The following LYST variants were observed in gnomAD, a reference collection of about 807,000 sequenced individuals.
The protein encoded by LYST is lysosomal-trafficking regulator.
In LYST, 192 loss-of-function variants were observed where a neutral mutation model predicts 413.6. The observed-to-expected ratio is 0.46, with a 90% CI of 0.41 to 0.52. The LOEUF is 0.52. Ranked by LOEUF, LYST falls within the 20% of genes least tolerant of loss-of-function variation. LYST has a pLI of 0.00. For synonymous variants in LYST, 1,525 were observed against 1,567.3 expected (o/e 0.97, Z 0.64); for missense variants, 3,815 against 4,499.9 (o/e 0.85, Z 4.35).
In LYST at chr1:235,809,988, T is replaced by A. The variant is rs1247313496; in HGVS notation, c.830A>T (p.His277Leu). The part of the protein sequence containing the change: ...KVCKFDVTLN[H>L]NSPLAASVVP... ...TACACTGGCTGCTAAAGGAGAATTA[T>A]GATTCAAGGTAACGTCAAACTTACA... The change falls in exon 5 of 53, where the codon CAT (histidine) becomes CTT (leucine). Residue 277 changes from histidine to leucine, a missense_variant. This residue lies in a region of LYST where 1,648 missense variants were observed against 1,810.3 expected (regional missense o/e 0.91). Transcript: ENST00000389793. This position sits in a 1 kb window ranked among gnomAD's most constrained non-coding sequence, Gnocchi z 4.0. The A allele has an allele frequency of 1.2e-6, 2 of 1,613,860 alleles. No homozygotes were observed. The highest frequency in any genetic ancestry group is 4.5e-5 in the East Asian group (2 of 44,812).
chr1:235,802,386 A>G (rs1209685583), intron 8 of LYST, among the ~76,000 whole-genome samples: 1 of 152,066 alleles, frequency 6.6e-6, no homozygotes, highest in Non-Finnish European at 1.5e-5. Flanking sequence ...AGACAAATTG[A>G]GCTGTGGTAA....
At chr1:235,746,912 G>A (rs1000342954) in intron 28 of LYST, among the ~76,000 whole-genome samples, 2 of 152,080 alleles carry the variant, frequency 1.3e-5, no homozygotes, top group East Asian at 1.9e-4. Flanking sequence ...TAATTTTTTA[G>A]TAAGAATACT....
intron 50 of LYST, among the ~76,000 whole-genome samples, chr1:235,668,518 T>C (rs923432591): frequency 6.6e-6 from 1 of 152,234 alleles, no homozygotes; most frequent in South Asian, 2.1e-4. Flanking sequence ...TTATATTGTG[T>C]GCTACCCAGG....
At chr1:235,801,465 A>G (rs538817215) in intron 8 of LYST, among the ~76,000 whole-genome samples, 2 of 151,948 alleles carry the variant, frequency 1.3e-5, no homozygotes, top group Non-Finnish European at 2.9e-5. Flanking sequence ...TGCCTACCCA[A>G]ATCTTTGTGA....
rs1203994340 is a variant in LYST, at chr1:235,792,018, A to G, written c.4224T>C (p.Gly1408=). ...PLLHAPNLSN[G]VSSQKYPGIL... ...TCCCAGGATACTTTTGTGATGAAAC[A>G]CCGTTGCTTAAATTTGGAGCGTGCA... The change falls in exon 12 of 53, where the codon GGT becomes GGC. Residue 1408 remains glycine, a synonymous_variant. Transcript: ENST00000389793. 1 of 1,614,152 alleles carries G rather than the reference A, an allele frequency of 6.2e-7. No homozygotes were observed. Among genetic ancestry groups the G allele is most frequent in the East Asian group, 2.2e-5 (1 of 44,876 alleles).
chr1:235,777,750 A>C (rs1329449334), intron 16 of LYST, among the ~76,000 whole-genome samples: 3 of 152,044 alleles, frequency 2.0e-5, no homozygotes, highest in Non-Finnish European at 4.4e-5. Flanking sequence ...GCAACTCTAA[A>C]CTAGATCTTT....
chr1:235,737,437 A>G (rs1234214093), intron 31 of LYST: 1 of 152,196 alleles, frequency 6.6e-6, no homozygotes, highest in African/African-American at 2.4e-5. Flanking sequence ...AAGAAATGAC[A>G]ACCCAGGAGA....
In LYST at chr1:235,733,665, G is replaced by A. The variant is rs552608382; in HGVS notation, c.8639C>T (p.Ser2880Leu). 2 of 1,613,586 alleles carry A rather than the reference G, an allele frequency of 1.2e-6. No individual in the cohort carries two copies. Among genetic ancestry groups the A allele is most frequent in the South Asian group, 2.2e-5 (2 of 91,066 alleles). ...TGCAGCTATTTTAGATATATCCTTTGATTTTGAATCCAGACGCTGAAAGAG... is the reference window on the plus strand; with the variant it reads ...TGCAGCTATTTTAGATATATCCTTTAATTTTGAATCCAGACGCTGAAAGAG... ...QSLFQRLDSK[S>L]KDISKIAADI... The change falls in exon 34 of 53, where the codon TCA becomes TTA. Residue 2880 changes from serine (S) to leucine (L), a missense_variant. Ser to Leu is a moderately radical substitution (Grantham distance 145, BLOSUM62 -2). Around this residue, in one of 4 missense-constraint regions of LYST, gnomAD observed 866 missense variants for 1,156.0 expected, o/e 0.75. Transcript: ENST00000389793.
Position 235,862,793 on chromosome 1 carries a change from C to T in LYST, c.-98+4050G>A, listed in dbSNP as rs1487418844. 3.6e-5 allele frequency among the ~76,000 whole-genome samples: 5 copies of T among 138,572 alleles called. No individual in the cohort carries two copies. The East Asian group carries it at 1.1e-3, about 30-fold the overall frequency. The allele number at this position is 138,572 out of a possible 152,430, so 90.9% of individuals were successfully genotyped here. On this transcript the variant is annotated intron_variant, in intron 1 of 52. Coordinates refer to ENST00000389793, the MANE Select transcript of LYST (RefSeq NM_000081.4). ...CCTGGGCAACACAGCAAGTCTCCATCTCAAAACAAACAAACACACACACAC... is the reference window on the plus strand; with the variant it reads ...CCTGGGCAACACAGCAAGTCTCCATTTCAAAACAAACAAACACACACACAC...
intron 4 of LYST, among the ~76,000 whole-genome samples, chr1:235,812,320 A>G (rs1346174164): frequency 1.3e-5 from 2 of 151,966 alleles, no homozygotes; most frequent in East Asian, 1.9e-4. Context: ...CCTGGCCAAC[A>G]TGGTGAAATC....
At chr1:235,761,160 A>G (rs541794235) in intron 22 of LYST, among the ~76,000 whole-genome samples, 1 of 152,332 alleles carries the variant, frequency 6.6e-6, no homozygotes, top group South Asian at 2.1e-4. Context: ...ATATTATTAT[A>G]AAAGAGCATA....
chr1:235,811,237 C>G (rs539729355), intron 4 of LYST, among the ~76,000 whole-genome samples: 22 of 152,258 alleles, frequency 1.4e-4, no homozygotes, highest in African/African-American at 5.1e-4. Flanking sequence ...ATAAGAGATG[C>G]TGTAGATTAT....
chr1:235,787,342 C>A lies in LYST; in HGVS notation c.4720G>T (p.Ala1574Ser). Residue 1574 changes from alanine to serine, a missense_variant, in exon 14 of 53, where the codon GCT (alanine) becomes TCT (serine). Physicochemically the swap from Ala to Ser is moderately conservative, Grantham distance 99 (BLOSUM62 1). This residue lies in a region of LYST where 530 missense variants were observed against 696.5 expected (regional missense o/e 0.76). Transcript: ENST00000389793. ...VCMDSNDDMKAVLLAQVESQE... is the reference protein window; with the variant it reads ...VCMDSNDDMKSVLLAQVESQE... ...GATTCAACCTGTGCTAGTAAAACAG[C>A]TTTCATGTCATCATTTGAATCCATG... 6.2e-7 allele frequency: 1 copy of A among 1,613,798 alleles called. No homozygotes were observed. Among genetic ancestry groups the A allele is most frequent in the Non-Finnish European group, 8.5e-7 (1 of 1,179,824 alleles).
rs772545723 is a variant in LYST, at chr1:235,733,703, A to G, written c.8613-12T>C. ...GACGCTGAAAGAGACTAAACAAATA[A>G]TAAGATTGTCCATAGTTAAGCATAC... On this transcript the variant is annotated splice_polypyrimidine_tract_variant and intron_variant, in intron 33 of 52. Transcript: ENST00000389793. The G allele has an allele frequency of 3.1e-6, 5 of 1,605,670 alleles. No individual in the cohort carries two copies. Among genetic ancestry groups the G allele is most frequent in the South Asian group, 2.2e-5 (2 of 90,928 alleles).
At chr1:235,723,711 A>G (rs1009286323) in intron 39 of LYST, among the ~76,000 whole-genome samples, 1 of 152,218 alleles carries the variant, frequency 6.6e-6, no homozygotes, top group Non-Finnish European at 1.5e-5. Flanking sequence ...ACTTTCCCCA[A>G]CAGTTTTTCC....
chr1:235,791,026 G>A (rs990286952), intron 12 of LYST, among the ~76,000 whole-genome samples: 4 of 152,186 alleles, frequency 2.6e-5, no homozygotes, highest in Admixed American at 2.6e-4. Flanking sequence ...GCTCACACCT[G>A]CAGTCCTAGC....
intron 4 of LYST, among the ~76,000 whole-genome samples, chr1:235,811,362 T>C (rs1422046822): frequency 1.4e-5 from 2 of 141,572 alleles, no homozygotes; most frequent in Non-Finnish European, 2.9e-5. Flanking sequence ...CCTGATATAA[T>C]TTAACTACTT....
chr1:235,850,818 C>T (rs1678443985), intron 1 of LYST, among the ~76,000 whole-genome samples: 1 of 152,146 alleles, frequency 6.6e-6, no homozygotes, highest in Admixed American at 6.5e-5. Flanking sequence ...ATCAAAACCA[C>T]AATGTGATAC....
At chr1:235,715,814 T>C (rs1178034241) in intron 41 of LYST, among the ~76,000 whole-genome samples, 2 of 152,078 alleles carry the variant, frequency 1.3e-5, no homozygotes, top group Admixed American at 1.3e-4. Context: ...CTATGTCACA[T>C]TATTGGTAAT....
Sources: gnomAD v4.1 joint callset for allele counts (sites outside exome capture counted in the v4.1 genomes callset) on GRCh38, gnomAD v4.1.1 for gene constraint, gnomAD v4.1.1 regional missense constraint, Gnocchi (gnomAD v3.1) non-coding constraint, MANE v1.5 for transcripts, NCBI Gene and HGNC (gene_info 2026-07-23, HGNC 2026-07-21) for gene names.